Variants in ADGRL3 observed in about 807,000 individuals in gnomAD.
ADGRL3 encodes adhesion G protein-coupled receptor L3.
A neutral mutation model predicts 153.5 loss-of-function variants in ADGRL3; 62 were observed. The ratio of observed to expected loss-of-function variants is 0.40; its 90% CI spans 0.33 to 0.50. The LOEUF (loss-of-function observed/expected upper bound fraction) is 0.50. Ranked by LOEUF, ADGRL3 falls within the 20% of genes least tolerant of loss-of-function variation. The pLI, the probability that ADGRL3 is intolerant of heterozygous loss-of-function variation, is 0.47. For missense variants in ADGRL3, 1,641 were observed against 1,859.4 expected (o/e 0.88, Z 2.16); for synonymous variants, 710 against 672.5 (o/e 1.06, Z -0.86).
At chr4:61,229,298 T>A (rs1749453187) in intron 1 of ADGRL3, among the ~76,000 whole-genome samples, 1 of 152,220 alleles carries the variant, frequency 6.6e-6, no homozygotes, top group Admixed American at 6.5e-5. Context: ...GCTTATAAAA[T>A]AACCTATACC....
chr4:61,504,188 T>C lies in ADGRL3; in HGVS notation c.55+6840T>C, dbSNP rs185414616. ...TTAAAATTTTTTCATAAAGATGGAG[T>C]CTTGCTCTGTTGCCCAGGCTGGTCT... On this transcript the variant is annotated intron_variant, in intron 3 of 26. Transcript: ENST00000683033. Among the ~76,000 whole-genome samples the C allele has an allele frequency of 1.6e-4, 25 of 152,138 alleles. No homozygotes were observed. The East Asian group carries it at 2.5e-3, about 15-fold the overall frequency.
chr4:61,323,344 C>T (rs2095402532), intron 1 of ADGRL3, among the ~76,000 whole-genome samples: 1 of 152,142 alleles, frequency 6.6e-6, no homozygotes, highest in South Asian at 2.1e-4. Context: ...CATTCGGCTC[C>T]TCGTTAACTT....
At chr4:61,755,303 T>C (rs1330872671) in intron 8 of ADGRL3, among the ~76,000 whole-genome samples, 1 of 151,782 alleles carries the variant, frequency 6.6e-6, no homozygotes, top group Non-Finnish European at 1.5e-5. Context: ...TTTTTAATGA[T>C]CACCATTCTA....
At chr4:61,612,728 C>A (rs2091522854) in intron 5 of ADGRL3, among the ~76,000 whole-genome samples, 1 of 152,114 alleles carries the variant, frequency 6.6e-6, no homozygotes, top group African/African-American at 2.4e-5. Context: ...ACCTAGTATG[C>A]AGAATAAAGG....
chr4:61,439,958 T>G (rs969585980), intron 2 of ADGRL3, among the ~76,000 whole-genome samples: 4 of 152,218 alleles, frequency 2.6e-5, no homozygotes, highest in Non-Finnish European at 5.9e-5. Flanking sequence ...TCATATGCAA[T>G]GAAATTGTTG....
chr4:61,744,109 G>C (rs1326626539), intron 8 of ADGRL3, among the ~76,000 whole-genome samples: 2 of 152,110 alleles, frequency 1.3e-5, no homozygotes, highest in Admixed American at 6.5e-5. Flanking sequence ...CTCGCTGATT[G>C]CTAGCACAAC....
At chr4:61,905,272 A>T (rs751193086) in intron 11 of ADGRL3, among the ~76,000 whole-genome samples, 7 of 152,286 alleles carry the variant, frequency 4.6e-5, no homozygotes, top group Non-Finnish European at 7.4e-5. Context: ...CTATACCAAC[A>T]TCTCACTAAA....
chr4:61,955,481 A>G lies in ADGRL3; in HGVS notation c.2805+7205A>G, dbSNP rs188577306. Among the ~76,000 whole-genome samples, 71 of 152,322 alleles carry G rather than the reference A, an allele frequency of 4.7e-4. 1 individual carries two copies. The East Asian group carries it at 7.5e-3, about 16-fold the overall frequency. ...AATGATTTTTCTTTAAGTACATGACAGTTAAACACAAAAACTAATTTGAAC... is the reference window on the plus strand; with the variant it reads ...AATGATTTTTCTTTAAGTACATGACGGTTAAACACAAAAACTAATTTGAAC... On this transcript the variant is annotated intron_variant, in intron 17 of 26. Transcript: ENST00000683033.
chr4:61,991,818 T>C (rs2099104833), intron 19 of ADGRL3, among the ~76,000 whole-genome samples: 1 of 150,754 alleles, frequency 6.6e-6, no homozygotes, highest in Admixed American at 6.7e-5. Flanking sequence ...TCTTCTGTCC[T>C]TCTTTTTTGC....
chr4:61,544,199 A>G (rs1330360487), intron 4 of ADGRL3, among the ~76,000 whole-genome samples: 1 of 152,200 alleles, frequency 6.6e-6, no homozygotes. Flanking sequence ...TGCACCAGTG[A>G]GTCAGCTCCC....
chr4:61,313,911 T>G (rs1394736618), intron 1 of ADGRL3, among the ~76,000 whole-genome samples: 1 of 151,878 alleles, frequency 6.6e-6, no homozygotes, highest in Middle Eastern at 3.2e-3. Context: ...ATGCCCACAC[T>G]CACTCAGACT....
At chr4:61,783,795 A>G (rs1375869863) in intron 8 of ADGRL3, among the ~76,000 whole-genome samples, 1 of 152,062 alleles carries the variant, frequency 6.6e-6, no homozygotes, top group African/African-American at 2.4e-5. Flanking sequence ...AAACAAAATA[A>G]TATACATCTT....
chr4:61,284,741 G>A (rs924884454), intron 1 of ADGRL3, among the ~76,000 whole-genome samples: 2 of 151,738 alleles, frequency 1.3e-5, no homozygotes, highest in Non-Finnish European at 2.9e-5. Flanking sequence ...GATTGGTTGT[G>A]TGCTTTCTTA....
chr4:61,769,301 G>A (rs576694835), intron 8 of ADGRL3, among the ~76,000 whole-genome samples: 16 of 152,164 alleles, frequency 1.1e-4, no homozygotes, highest in African/African-American at 3.4e-4. Context: ...TTAAGAGAAG[G>A]GAGAGATTGA....
At chr4:61,891,579 G>A (rs897763019) in intron 9 of ADGRL3, among the ~76,000 whole-genome samples, 1 of 152,088 alleles carries the variant, frequency 6.6e-6, no homozygotes, top group African/African-American at 2.4e-5. Context: ...AATGAACCTG[G>A]GGACCTCCTC....
chr4:61,688,313 T>G (rs2095481794), intron 6 of ADGRL3, among the ~76,000 whole-genome samples: 1 of 152,104 alleles, frequency 6.6e-6, no homozygotes, highest in South Asian at 2.1e-4. Flanking sequence ...GTCTTTGCCT[T>G]ACTGATTTCC....
chr4:61,759,978 G>T (rs1467266383), intron 8 of ADGRL3, among the ~76,000 whole-genome samples: 3 of 152,208 alleles, frequency 2.0e-5, no homozygotes, highest in Non-Finnish European at 4.4e-5. Flanking sequence ...GGAGGCTGCA[G>T]AACATCGGAT....
chr4:61,652,750 C>G (rs1039602292), intron 5 of ADGRL3, among the ~76,000 whole-genome samples: 2 of 152,158 alleles, frequency 1.3e-5, no homozygotes, highest in Admixed American at 6.5e-5. Context: ...ATAATTATAA[C>G]CACTTTTTCC....
intron 6 of ADGRL3, among the ~76,000 whole-genome samples, chr4:61,720,476 A>G (rs2096222217): frequency 6.6e-6 from 1 of 152,218 alleles, no homozygotes; most frequent in Non-Finnish European, 1.5e-5. Context: ...TCATATTTTT[A>G]TTAAGAGCAG....
Sources: gnomAD v4.1 joint callset for allele counts (sites outside exome capture counted in the v4.1 genomes callset) on GRCh38, gnomAD v4.1.1 for gene constraint, MANE v1.5 for transcripts, NCBI Gene and HGNC (gene_info 2026-07-23, HGNC 2026-07-21) for gene names.